Variants in CNTNAP2 observed in about 807,000 individuals in gnomAD.
The protein encoded by CNTNAP2 is contactin associated protein 2.
In CNTNAP2, 98 loss-of-function variants were observed where a neutral mutation model predicts 155.2. The ratio of observed to expected loss-of-function variants is 0.63; its 90% CI spans 0.54 to 0.75. The LOEUF (loss-of-function observed/expected upper bound fraction) is 0.75, where lower values mean the gene tolerates loss of function less well. Among genes scored for constraint, CNTNAP2 ranks in the 30% least tolerant of loss-of-function variants. The pLI is 0.00. For missense variants in CNTNAP2, 1,727 were observed against 1,688.1 expected (o/e 1.02, Z -0.40); for synonymous variants, 651 against 631.2 (o/e 1.03, Z -0.47).
At chr7:147,632,763 G>A (rs186357134) in intron 12 of CNTNAP2, among the ~76,000 whole-genome samples, 1 of 152,176 alleles carries the variant, frequency 6.6e-6, no homozygotes, top group Non-Finnish European at 1.5e-5. Flanking sequence ...CTCAGAATAA[G>A]ACAAGAAAAT....
At chr7:146,720,387 G>T (rs1305480768) in intron 1 of CNTNAP2, among the ~76,000 whole-genome samples, 1 of 152,092 alleles carries the variant, frequency 6.6e-6, no homozygotes, top group Non-Finnish European at 1.5e-5. Flanking sequence ...CCTCCCTAGA[G>T]AAGGCAATTA....
chr7:146,683,120 G>A (rs909312591), intron 1 of CNTNAP2, among the ~76,000 whole-genome samples: 67 of 152,054 alleles, frequency 4.4e-4, no homozygotes, highest in African/African-American at 1.6e-3. Flanking sequence ...TGCAACCCCC[G>A]CCTCCCAGGT....
chr7:147,715,445 A>C (rs1023232288), intron 13 of CNTNAP2, among the ~76,000 whole-genome samples: 18 of 152,008 alleles, frequency 1.2e-4, no homozygotes, highest in Non-Finnish European at 2.5e-4. Flanking sequence ...ATGCCAAGAG[A>C]GTTGTCATGG....
chr7:147,756,021 C>T (rs1362706838), intron 13 of CNTNAP2, among the ~76,000 whole-genome samples: 2 of 152,136 alleles, frequency 1.3e-5, no homozygotes, highest in African/African-American at 4.8e-5. Flanking sequence ...CTTCCCAACT[C>T]TTTTGGGGAC....
At chr7:146,625,549 A>G (rs751203233) in intron 1 of CNTNAP2, among the ~76,000 whole-genome samples, 3 of 152,070 alleles carry the variant, frequency 2.0e-5, no homozygotes, top group Non-Finnish European at 2.9e-5. Flanking sequence ...TGAGTTACAA[A>G]TTCTATACAT....
chr7:147,474,746 C>G (rs982916653), intron 10 of CNTNAP2, among the ~76,000 whole-genome samples: 3 of 152,136 alleles, frequency 2.0e-5, no homozygotes, highest in Admixed American at 2.0e-4. Flanking sequence ...CAGGAAAATG[C>G]ATAACCTGAC....
At chr7:147,630,316 TAAAA>T (rs71183024) in intron 12 of CNTNAP2, among the ~76,000 whole-genome samples, 11 of 73,106 alleles carry the variant, frequency 1.5e-4, no homozygotes, top group Non-Finnish European at 2.4e-4. Context: ...GAAACAGTAG[TAAAA>T]AAAAAAAAAA....
chr7:146,860,349 A>G (rs917711808), intron 3 of CNTNAP2, among the ~76,000 whole-genome samples: 12 of 152,180 alleles, frequency 7.9e-5, no homozygotes, highest in African/African-American at 2.9e-4. Flanking sequence ...AGGCCAGGCA[A>G]AAGTGGAACA....
chr7:146,168,212 T>G (rs1798340747), intron 1 of CNTNAP2, among the ~76,000 whole-genome samples: 2 of 152,256 alleles, frequency 1.3e-5, no homozygotes, highest in South Asian at 2.1e-4. Flanking sequence ...GGAACAATAC[T>G]TTGCCTTCTT....
chr7:147,555,448 C>T (rs1272821663), intron 11 of CNTNAP2, among the ~76,000 whole-genome samples: 3 of 152,070 alleles, frequency 2.0e-5, no homozygotes, highest in South Asian at 2.1e-4. Flanking sequence ...AGCATGTGAT[C>T]GCCTCCAGTA....
At chr7:147,129,626 A>G (rs1015324990) in intron 7 of CNTNAP2, among the ~76,000 whole-genome samples, 26 of 152,194 alleles carry the variant, frequency 1.7e-4, no homozygotes, top group Non-Finnish European at 5.9e-5. Context: ...AGAGACCCAT[A>G]CAATAAGAAG....
chr7:147,555,050 T>A (rs762960184), intron 11 of CNTNAP2, among the ~76,000 whole-genome samples: 9 of 152,246 alleles, frequency 5.9e-5, no homozygotes, highest in Non-Finnish European at 8.8e-5. Flanking sequence ...CCTCAGTGGT[T>A]ACCTTAACAG....
At chr7:148,221,992 T>C (rs1020606131) in intron 19 of CNTNAP2, among the ~76,000 whole-genome samples, 8 of 152,356 alleles carry the variant, frequency 5.3e-5, no homozygotes, top group African/African-American at 1.9e-4. Flanking sequence ...GATGAGGTCA[T>C]GTTTTGGAGG....
chr7:147,074,192 C>T (rs1278929948), intron 4 of CNTNAP2, among the ~76,000 whole-genome samples: 1 of 152,058 alleles, frequency 6.6e-6, no homozygotes. Flanking sequence ...TTCTGCTTCC[C>T]TTCTTTTGTT....
chr7:146,961,570 C>G (rs1053238399), intron 3 of CNTNAP2, among the ~76,000 whole-genome samples: 3 of 152,078 alleles, frequency 2.0e-5, no homozygotes, highest in African/African-American at 7.2e-5. Flanking sequence ...AGTCACTGCC[C>G]CTGTATTCCA....
chr7:146,928,540 T>G (rs569999163), intron 3 of CNTNAP2, among the ~76,000 whole-genome samples: 1 of 152,308 alleles, frequency 6.6e-6, no homozygotes, highest in South Asian at 2.1e-4. Context: ...CATTTCCATC[T>G]GAGGTACCAG....
At chr7:146,371,517 C>A (rs537944897) in intron 1 of CNTNAP2, among the ~76,000 whole-genome samples, 1 of 151,584 alleles carries the variant, frequency 6.6e-6, no homozygotes, top group East Asian at 2.0e-4. Context: ...TACAGGTACC[C>A]GCCACCGCGC....
At chr7:147,349,263 T>G (rs1795929775) in intron 9 of CNTNAP2, among the ~76,000 whole-genome samples, 1 of 151,858 alleles carries the variant, frequency 6.6e-6, no homozygotes, top group Non-Finnish European at 1.5e-5. Context: ...GTACACTTAT[T>G]TGTCAATTAA....
intron 7 of CNTNAP2, 55 bp from the exon 8 acceptor site, chr7:147,132,190 A>G: frequency 1.3e-5 from 21 of 1,605,758 alleles, no homozygotes; most frequent in Non-Finnish European, 1.7e-5. Flanking sequence ...GTGGTCTGAC[A>G]TGGATGTTCA....
Sources: allele counts gnomAD v4.1 joint callset (sites outside exome capture counted in the v4.1 genomes callset), GRCh38; gene constraint gnomAD v4.1.1; transcripts MANE v1.5; gene names NCBI Gene and HGNC (gene_info 2026-07-23, HGNC 2026-07-21).